Variants in NXF3 observed in about 807,000 individuals in gnomAD.
The protein encoded by NXF3 is nuclear RNA export factor 3, also known as TAP-like protein 3.
Under a neutral mutation model 48.4 loss-of-function variants are expected in NXF3, and 34 were observed. The observed-to-expected ratio is 0.70, with a 90% CI of 0.53 to 0.93. The LOEUF (loss-of-function observed/expected upper bound fraction) is 0.93, where lower values mean the gene tolerates loss of function less well. Among genes scored for constraint, NXF3 ranks in the 40% least tolerant of loss-of-function variants. NXF3 has a pLI of 0.00. For missense variants in NXF3, 359 were observed against 406.1 expected (o/e 0.88, Z 1.00); for synonymous variants, 132 against 145.7 (o/e 0.91, Z 0.68).
chrX:103,090,930 G>C (rs1205908847), intron 1 of NXF3, among the ~76,000 whole-genome samples: 1 of 112,102 alleles, frequency 8.9e-6, no homozygotes, highest in Non-Finnish European at 1.9e-5. Context: ...AGGCAAGATA[G>C]TGGTTTACAG....
chrX:103,091,601 C>T (rs1169656959), intron 1 of NXF3, among the ~76,000 whole-genome samples: 1 of 109,780 alleles, frequency 9.1e-6, no homozygotes, highest in Non-Finnish European at 1.9e-5. Context: ...GAACCAATAC[C>T]CCATGGATAC....
intron 18 of NXF3, among the ~76,000 whole-genome samples, chrX:103,077,274 G>A (rs747274885): frequency 2.1e-4 from 20 of 94,933 alleles, no homozygotes; most frequent in African/African-American, 7.1e-4. Flanking sequence ...TTTCCGAGAC[G>A]GAGTCTTGCT....
intron 9 of NXF3, 61 bp from the exon 10 acceptor site, chrX:103,080,673 T>C (rs1048234774): frequency 1.9e-6 from 2 of 1,075,314 alleles, no homozygotes; most frequent in African/African-American, 3.6e-5. Context: ...GTCCTCCTCA[T>C]GGGAGCAATC....
intron 1 of NXF3, among the ~76,000 whole-genome samples, chrX:103,085,984 CCTT>C (rs974252020): frequency 9.1e-6 from 1 of 109,579 alleles, no homozygotes; most frequent in Non-Finnish European, 1.9e-5. Flanking sequence ...TGTTCCCTCT[CCTT>C]ATTTCTGGGA....
Position 103,077,634 on chromosome X carries a change from A to C in NXF3, c.1564T>G (p.Ser522Ala). The stretch of plus-strand genomic sequence containing the variant: ...TGTACCATTTTCTGCTGCTCCTGGG[A>C]GAAGGCAGGCACGGAGCTGGAGAAG... The part of the protein sequence containing the change: ...TAFSSSVPAF[S>A]QEQQKMLPS Residue 522 changes from serine to alanine, a missense_variant, in exon 18 of 20, where the codon TCC becomes GCC. Physicochemically the swap from Ser to Ala is moderately conservative, Grantham distance 99 (BLOSUM62 1). Coordinates refer to ENST00000395065, the MANE Select transcript of NXF3 (RefSeq NM_022052.2). 8.3e-7 allele frequency: 1 copy of C among 1,211,190 alleles called. No homozygotes were observed.
At chrX:103,088,227 T>C in intron 1 of NXF3, 2 of 749,707 alleles carry the variant, frequency 2.7e-6, no homozygotes, top group Non-Finnish European at 4.0e-6. Flanking sequence ...TTAAACGTGC[T>C]AGGAGTAAAA....
intron 1 of NXF3, among the ~76,000 whole-genome samples, chrX:103,085,920 A>AAAAAAG (rs1922140355): frequency 2.9e-5 from 3 of 103,782 alleles, no homozygotes; most frequent in Non-Finnish European, 5.8e-5. Flanking sequence ...AAAAAAAAAA[A>AAAAAAG]AAAGAAAGAA....
chrX:103,091,155 TTG>T (rs925670231), intron 1 of NXF3, among the ~76,000 whole-genome samples: 2 of 112,113 alleles, frequency 1.8e-5, no homozygotes, highest in African/African-American at 6.5e-5. Context: ...CCTAACAGTG[TTG>T]TGTTTGTATG....
chrX:103,076,582 C>T (rs1921874350), intron 18 of NXF3, among the ~76,000 whole-genome samples: 1 of 111,338 alleles, frequency 9.0e-6, no homozygotes, highest in African/African-American at 3.3e-5. Context: ...CCTTTTGGTT[C>T]CTAAATAAGA....
intron 18 of NXF3, 86 bp from the exon 19 acceptor site, chrX:103,076,387 A>G: frequency 1.0e-6 from 1 of 988,013 alleles, no homozygotes; most frequent in Non-Finnish European, 1.4e-6. Flanking sequence ...AATCTATGCA[A>G]CAGAAACATG....
intron 10 of NXF3, 43 bp from the exon 11 acceptor site, chrX:103,080,259 T>C (rs1295694200): frequency 8.8e-7 from 1 of 1,142,018 alleles, no homozygotes; most frequent in Non-Finnish European, 1.2e-6. Flanking sequence ...AGTAGGGAGG[T>C]GGCACAGAAA....
intron 18 of NXF3, among the ~76,000 whole-genome samples, chrX:103,076,616 C>T (rs929653037): frequency 3.6e-5 from 4 of 111,292 alleles, no homozygotes; most frequent in Non-Finnish European, 5.7e-5. Flanking sequence ...AAAAGCTACA[C>T]GCCTCCCCCA....
intron 14 of NXF3, 39 bp downstream of exon 14, chrX:103,079,545 C>A: frequency 8.4e-7 from 1 of 1,194,205 alleles, no homozygotes; most frequent in Non-Finnish European, 1.1e-6. Context: ...TCCTGTCACA[C>A]CCCCTTACCC....
chrX:103,085,900 C>CAAAA lies in NXF3; in HGVS notation c.29-1021_29-1018dup, dbSNP rs56135590. Among the ~76,000 whole-genome samples, 153 of 43,288 alleles carry CAAAA rather than the reference C, an allele frequency of 3.5e-3. 1 individual carries two copies. The highest frequency in any genetic ancestry group is 4.6e-3 in the Non-Finnish European group (114 of 24,794). The allele number at this position is 43,288 out of a possible 115,157, so 37.6% of individuals were successfully genotyped here. ...CCTGGGCGACAAAGCGAGACTCTGTCAAAAAAAAAAAAAAAAAAAAAAAGA... is the reference window on the plus strand; with the variant it reads ...CCTGGGCGACAAAGCGAGACTCTGTCAAAAAAAAAAAAAAAAAAAAAAAAAAAGA... On this transcript the variant is annotated intron_variant, in intron 1 of 19. Transcript: ENST00000395065.
In NXF3 at chrX:103,077,243, C is replaced by CT. The variant is rs34811257; in HGVS notation, c.1584+370dup. On this transcript the variant is annotated intron_variant, in intron 18 of 19. Transcript: ENST00000395065. ...CACCATACACACCCAGCACTCACTTCTTTTTTTTTTTTTTTTTTTTTTTCC... is the reference window on the plus strand; with the variant it reads ...CACCATACACACCCAGCACTCACTTCTTTTTTTTTTTTTTTTTTTTTTTTCC... 2.6e-3 allele frequency among the ~76,000 whole-genome samples: 161 copies of CT among 62,559 alleles called. 1 individual carries two copies. Among genetic ancestry groups the CT allele is most frequent in the East Asian group, 0.018 (44 of 2,429 alleles). 54.3% of individuals were successfully genotyped at this position (62,559 alleles called of 115,157 possible).
intron 16 of NXF3, 37 bp downstream of exon 16, chrX:103,079,184 G>A (rs1187694490): frequency 8.4e-7 from 1 of 1,191,009 alleles, no homozygotes; most frequent in African/African-American, 1.7e-5. Context: ...GGAGGGAGGA[G>A]TGGGGGATCT....
chrX:103,081,664 T>G (rs1166906116), intron 9 of NXF3: 2 of 112,679 alleles, frequency 1.8e-5, no homozygotes, highest in African/African-American at 6.5e-5. Context: ...GTCCCTTGAC[T>G]CAGGAAACCC....
At position 103,083,117 on chromosome X, in the gene NXF3, G is replaced by T. The variant is rs1922056401; in HGVS notation, c.622-44C>A. Reference sequence around the variant, plus strand: ...GTTTCAGAGGCTCTGAAGTTGAGGTGGTGAAGGGGGCAATAGGTGGGGAAG... The same window carrying T: ...GTTTCAGAGGCTCTGAAGTTGAGGTTGTGAAGGGGGCAATAGGTGGGGAAG... On this transcript the variant is annotated intron_variant, in intron 6 of 19. Transcript: ENST00000395065. 2.5e-6 allele frequency: 3 copies of T among 1,189,925 alleles called. No homozygotes were observed. In the East Asian group the frequency reaches 8.9e-5, roughly 35 times the overall value.
intron 18 of NXF3, 116 bp from the exon 19 acceptor site, chrX:103,076,417 A>T: frequency 1.2e-6 from 1 of 808,453 alleles, no homozygotes; most frequent in East Asian, 3.2e-5. Flanking sequence ...TCTGGAATTT[A>T]TTGCAGCAGA....
Sources: allele counts gnomAD v4.1 joint callset (sites outside exome capture counted in the v4.1 genomes callset), GRCh38; gene constraint gnomAD v4.1.1; transcripts MANE v1.5; gene names NCBI Gene and HGNC (gene_info 2026-07-23, HGNC 2026-07-21).